The following RABEP1 variants were observed in gnomAD, a reference collection of about 807,000 sequenced individuals.
RABEP1 encodes rabaptin, RAB GTPase binding effector protein 1.
RABEP1 carries 51 observed loss-of-function variants against 123.4 expected under a neutral mutation model. The observed-to-expected ratio is 0.41, with a 90% CI of 0.33 to 0.52. RABEP1 has a LOEUF of 0.52. Among genes scored for constraint, RABEP1 ranks in the 20% least tolerant of loss-of-function variants. The probability of loss-of-function intolerance (pLI) is 0.16; values close to 1 mark genes in which losing one functional copy is unlikely to be tolerated. For missense variants in RABEP1, 888 were observed against 996.3 expected (o/e 0.89, Z 1.46); for synonymous variants, 347 against 355.2 (o/e 0.98, Z 0.26).
At chr17:5,337,840 C>A (rs1238634457) in intron 4 of RABEP1, among the ~76,000 whole-genome samples, 179 bp from the exon 5 acceptor site, 3 of 152,136 alleles carry the variant, frequency 2.0e-5, no homozygotes, top group Non-Finnish European at 4.4e-5. Flanking sequence ...CTCAGTTATA[C>A]CTTGACATTC....
intron 2 of RABEP1, among the ~76,000 whole-genome samples, chr17:5,311,695 C>T (rs1196839129): frequency 1.2e-4 from 5 of 40,034 alleles, no homozygotes; most frequent in Non-Finnish European, 1.9e-4. Context: ...GCGACTTCAT[C>T]TCAAAAAAAA....
intron 12 of RABEP1, 27 bp downstream of exon 12, chr17:5,368,495 A>T: frequency 2.7e-6 from 4 of 1,498,316 alleles, no homozygotes; most frequent in Non-Finnish European, 3.7e-6. Flanking sequence ...AGTAAATGAC[A>T]ACTATGTTAC....
At chr17:5,353,492 T>C (rs1287856002) in intron 7 of RABEP1, among the ~76,000 whole-genome samples, 1 of 152,252 alleles carries the variant, frequency 6.6e-6, no homozygotes, top group Non-Finnish European at 1.5e-5. Context: ...CTATCAACTT[T>C]AATCATTCCT....
At chr17:5,339,457 C>T (rs1274650378) in intron 5 of RABEP1, among the ~76,000 whole-genome samples, 1 of 152,106 alleles carries the variant, frequency 6.6e-6, no homozygotes, top group East Asian at 1.9e-4. Context: ...TGCAGTGAAC[C>T]ATGATCATGC....
In RABEP1 at chr17:5,329,492, C is replaced by T. The variant is rs556240756; in HGVS notation, c.164-2457C>T. Among the ~76,000 whole-genome samples the T allele has an allele frequency of 7.2e-5, 11 of 152,308 alleles. 1 individual carries two copies. The highest frequency in any genetic ancestry group is 6.8e-3 in the Middle Eastern group (2 of 294). ...GTTGCAGTGAGCCAAGATCGTGCCA[C>T]TGCACTCTAGCCTGGGCAACAAGAG... On this transcript the variant is annotated intron_variant, in intron 2 of 17. Coordinates refer to ENST00000537505, the MANE Select transcript of RABEP1 (RefSeq NM_004703.6).
intron 2 of RABEP1, among the ~76,000 whole-genome samples, chr17:5,310,651 T>C (rs985279540): frequency 2.0e-5 from 3 of 151,988 alleles, no homozygotes; most frequent in African/African-American, 7.2e-5. Flanking sequence ...AAAATATCAG[T>C]GATTTATCCA....
At chr17:5,354,274 T>G in intron 7 of RABEP1, 85 bp from the exon 8 acceptor site, 11 of 1,295,016 alleles carry the variant, frequency 8.5e-6, no homozygotes, top group Non-Finnish European at 1.2e-5. Context: ...CGCTCTGTTC[T>G]TTATTTGTTT....
intron 5 of RABEP1, among the ~76,000 whole-genome samples, chr17:5,344,964 G>GA (rs1055708070): frequency 8.1e-5 from 12 of 147,544 alleles, no homozygotes; most frequent in Admixed American, 1.4e-4. Context: ...CTCCGTCTCA[G>GA]AAAAAAAAAT....
At chr17:5,314,740 G>C (rs921247625) in intron 2 of RABEP1, among the ~76,000 whole-genome samples, 1 of 152,086 alleles carries the variant, frequency 6.6e-6, no homozygotes, top group South Asian at 2.1e-4. Flanking sequence ...TGATGGTCTC[G>C]ATCTCCTGAC....
At position 5,384,356 on chromosome 17, in the gene RABEP1, T is replaced by C. The variant is rs1272896266; in HGVS notation, c.*1133T>C. On this transcript the variant is annotated 3_prime_UTR_variant, in exon 18 of 18. Coordinates refer to ENST00000537505, the MANE Select transcript of RABEP1 (RefSeq NM_004703.6). ...GAAGTGCTACAGAAAGCACAAAGAA[T>C]TGATTCATGTTCATCAATACCTGCT... The C allele has an allele frequency of 4.7e-6, 1 of 212,150 alleles. No individual in the cohort carries two copies. Among genetic ancestry groups the C allele is most frequent in the African/African-American group, 2.3e-5 (1 of 44,208 alleles). The allele number at this position is 212,150 out of a possible 1,614,324, so 13.1% of individuals were successfully genotyped here.
At chr17:5,352,857 C>A (rs1194101058) in intron 7 of RABEP1, among the ~76,000 whole-genome samples, 1 of 152,060 alleles carries the variant, frequency 6.6e-6, no homozygotes, top group Non-Finnish European at 1.5e-5. Context: ...AACAAAGAGT[C>A]TAAACTTTAC....
intron 2 of RABEP1, among the ~76,000 whole-genome samples, chr17:5,315,449 A>C (rs1384964488): frequency 6.6e-6 from 1 of 152,224 alleles, no homozygotes; most frequent in African/African-American, 2.4e-5. Flanking sequence ...CCAGGGCAAG[A>C]GAATGGAAGG....
chr17:5,376,748 A>G (rs1342702636), intron 13 of RABEP1, among the ~76,000 whole-genome samples: 1 of 152,170 alleles, frequency 6.6e-6, no homozygotes, highest in Non-Finnish European at 1.5e-5. Flanking sequence ...CTTGCTACTC[A>G]GTTTTGTCTT....
intron 9 of RABEP1, 63 bp from the exon 10 acceptor site, chr17:5,362,849 G>A: frequency 1.9e-6 from 2 of 1,074,268 alleles, no homozygotes; most frequent in Non-Finnish European, 2.9e-6. Flanking sequence ...CTATGCACGT[G>A]TACCTCAAGT....
At chr17:5,382,720 C>G (rs1190027401) in intron 17 of RABEP1, among the ~76,000 whole-genome samples, 1 of 151,998 alleles carries the variant, frequency 6.6e-6, no homozygotes, top group Non-Finnish European at 1.5e-5. Flanking sequence ...CCACTGCACT[C>G]CAGCCTGGGT....
chr17:5,314,789 A>T (rs940536541), intron 2 of RABEP1, among the ~76,000 whole-genome samples: 24 of 152,204 alleles, frequency 1.6e-4, no homozygotes, highest in Non-Finnish European at 1.5e-4. Context: ...AAGTGCTGGG[A>T]TTACAGGTGT....
At chr17:5,380,936 GT>G (rs1055312942) in intron 16 of RABEP1, among the ~76,000 whole-genome samples, 1 of 152,210 alleles carries the variant, frequency 6.6e-6, no homozygotes, top group Non-Finnish European at 1.5e-5. Flanking sequence ...TGAACTGCTT[GT>G]TTTTGGAAAG....
chr17:5,369,662 A>G (rs1470865430), intron 12 of RABEP1, among the ~76,000 whole-genome samples: 1 of 151,654 alleles, frequency 6.6e-6, no homozygotes, highest in Non-Finnish European at 1.5e-5. Context: ...TGAGCCTCCT[A>G]CACTCCTTCG....
At chr17:5,373,579 C>G in intron 13 of RABEP1, 125 bp downstream of exon 13, 4 of 1,111,244 alleles carry the variant, frequency 3.6e-6, no homozygotes, top group Non-Finnish European at 5.0e-6. Flanking sequence ...TTAAAATGTA[C>G]CATTCAGTGG....
Sources: gnomAD v4.1 joint callset for allele counts (sites outside exome capture counted in the v4.1 genomes callset) on GRCh38, gnomAD v4.1.1 for gene constraint, MANE v1.5 for transcripts, NCBI Gene and HGNC (gene_info 2026-07-23, HGNC 2026-07-21) for gene names.